CNTN5: variants seen among roughly 807,000 people sequenced by gnomAD.
CNTN5 encodes contactin 5, also known as contactin-5.
A neutral mutation model predicts 129.1 loss-of-function variants in CNTN5; 77 were observed. The observed-to-expected ratio is 0.60, with a 90% CI of 0.50 to 0.72. The LOEUF is 0.72. Among genes scored for constraint, CNTN5 ranks in the 30% least tolerant of loss-of-function variants. The probability of loss-of-function intolerance (pLI) is 0.00; values close to 1 mark genes in which losing one functional copy is unlikely to be tolerated. For synonymous variants in CNTN5, 509 were observed against 465.6 expected (o/e 1.09, Z -1.20); for missense variants, 1,478 against 1,328.8 (o/e 1.11, Z -1.75).
At chr11:99,843,716 G>A (rs1028266122) in intron 4 of CNTN5, among the ~76,000 whole-genome samples, 5 of 151,972 alleles carry the variant, frequency 3.3e-5, no homozygotes, top group African/African-American at 4.8e-5. Context: ...TAGAGGCCAC[G>A]GATGCTGCTA....
chr11:99,500,653 T>C (rs926959750), intron 2 of CNTN5, among the ~76,000 whole-genome samples: 1 of 152,148 alleles, frequency 6.6e-6, no homozygotes, highest in African/African-American at 2.4e-5. Flanking sequence ...CATGGCTACA[T>C]AGTATTCCAT....
Position 100,221,804 on chromosome 11 carries a change from G to GA in CNTN5, c.1885-2878dup, listed in dbSNP as rs142481281. Reference sequence around the variant, plus strand: ...TTTGTTCATAAGGTCAACGAAAGCAGAAAAAAAAAAGACAGAAAATAAAGC... The same window carrying GA: ...TTTGTTCATAAGGTCAACGAAAGCAGAAAAAAAAAAAGACAGAAAATAAAGC... On this transcript the variant is annotated intron_variant, in intron 15 of 24. Transcript: ENST00000524871. Among the ~76,000 whole-genome samples, 1,075 of 143,750 alleles carry GA rather than the reference G, an allele frequency of 7.5e-3. 13 individuals are homozygous for GA. The highest frequency in any genetic ancestry group is 0.014 in the South Asian group (65 of 4,558). 94.3% of individuals were successfully genotyped at this position (143,750 alleles called of 152,430 possible). A position where few individuals can be genotyped will look rare whatever the true frequency, so the allele number is the denominator to read the frequency against.
intron 8 of CNTN5, among the ~76,000 whole-genome samples, chr11:100,001,082 A>G (rs2512552): frequency 0.99 from 150,338 of 152,284 alleles, 74,235 homozygotes; most frequent in East Asian, 1. Context: ...CATTGTCTTC[A>G]CTATTAACAC....
chr11:99,628,563 T>C lies in CNTN5; in HGVS notation c.55+72294T>C, dbSNP rs1418610623. Among the ~76,000 whole-genome samples, 4 of 151,384 alleles carry C rather than the reference T, an allele frequency of 2.6e-5. No homozygotes were observed. The East Asian group carries it at 7.7e-4, about 29-fold the overall frequency. ...AACGTGTATAAAAATCTGAATTATG[T>C]CTATCTACACACACTTCCATTGGCC... On this transcript the variant is annotated intron_variant, in intron 3 of 24. Coordinates refer to ENST00000524871, the MANE Select transcript of CNTN5 (RefSeq NM_014361.4).
chr11:99,509,943 T>G (rs149804562), intron 2 of CNTN5, among the ~76,000 whole-genome samples: 2 of 151,886 alleles, frequency 1.3e-5, no homozygotes, highest in Admixed American at 6.6e-5. Context: ...TGACTCCATC[T>G]ATTAATATTT....
At chr11:99,676,209 A>G (rs763463604) in intron 3 of CNTN5, among the ~76,000 whole-genome samples, 1 of 152,086 alleles carries the variant, frequency 6.6e-6, no homozygotes, top group Non-Finnish European at 1.5e-5. Flanking sequence ...ACTCTGTTTT[A>G]CTCAGCCCTG....
intron 16 of CNTN5, among the ~76,000 whole-genome samples, chr11:100,241,978 A>G (rs759646051): frequency 1.9e-4 from 29 of 152,148 alleles, no homozygotes; most frequent in Non-Finnish European, 3.5e-4. Flanking sequence ...AGCTTTCATC[A>G]AATGTTTGCC....
chr11:100,131,837 C>A (rs1314690198), intron 13 of CNTN5, among the ~76,000 whole-genome samples: 1 of 151,866 alleles, frequency 6.6e-6, no homozygotes, highest in East Asian at 1.9e-4. Flanking sequence ...GAGACTTGAA[C>A]AAAAATAATT....
At chr11:99,848,603 T>C (rs1021385078) in intron 6 of CNTN5, among the ~76,000 whole-genome samples, 9 of 152,206 alleles carry the variant, frequency 5.9e-5, no homozygotes, top group Non-Finnish European at 1.2e-4. Flanking sequence ...TCAAAATGAT[T>C]GCAAAACTTT....
chr11:99,429,533 G>T (rs140351731), intron 2 of CNTN5, among the ~76,000 whole-genome samples: 4 of 152,234 alleles, frequency 2.6e-5, no homozygotes, highest in African/African-American at 9.6e-5. Context: ...GAGAGAGAGA[G>T]TCTGAGTGTG....
At chr11:100,277,046 C>A (rs1229237555) in intron 18 of CNTN5, among the ~76,000 whole-genome samples, 48 of 151,972 alleles carry the variant, frequency 3.2e-4, no homozygotes, top group Admixed American at 3.1e-3. Context: ...TAATTTTTAG[C>A]TCTTACCAAT....
intron 15 of CNTN5, among the ~76,000 whole-genome samples, chr11:100,206,547 A>G (rs1447949221): frequency 3.3e-5 from 5 of 152,140 alleles, no homozygotes; most frequent in Non-Finnish European, 7.4e-5. Flanking sequence ...CGTGTTTTAC[A>G]TAAATTTAGA....
At chr11:99,534,867 G>C (rs906608007) in intron 2 of CNTN5, among the ~76,000 whole-genome samples, 1 of 152,090 alleles carries the variant, frequency 6.6e-6, no homozygotes, top group Non-Finnish European at 1.5e-5. Context: ...ACAATATAAG[G>C]ATGATTAGAA....
At chr11:100,281,278 G>A (rs2138818796) in intron 18 of CNTN5, among the ~76,000 whole-genome samples, 1 of 152,192 alleles carries the variant, frequency 6.6e-6, no homozygotes, top group South Asian at 2.1e-4. Context: ...GACAGGTCTG[G>A]TGTTGATGAA....
chr11:99,675,291 T>C (rs1300408549), intron 3 of CNTN5, among the ~76,000 whole-genome samples: 8 of 152,134 alleles, frequency 5.3e-5, no homozygotes, highest in African/African-American at 1.7e-4. Context: ...TGGATTTTTG[T>C]AGATTTCTGA....
chr11:99,957,078 GT>G lies in CNTN5; in HGVS notation c.877+79del, dbSNP rs375312209. The G allele has an allele frequency of 2.6e-3, 2,973 of 1,139,108 alleles. 2 individuals are homozygous for G. Among genetic ancestry groups the G allele is most frequent in the Admixed American group, 3.1e-3 (104 of 33,224 alleles). The allele number at this position is 1,139,108 out of a possible 1,614,324, so 70.6% of individuals were successfully genotyped here. A position where few individuals can be genotyped will look rare whatever the true frequency, so the allele number is the denominator to read the frequency against. ...GGAAAATAAAGATGTATTAGTGTGT[GT>G]TTTTTTTTTAAGACCTGGAACTTAC... On this transcript the variant is annotated intron_variant, in intron 8 of 24. Coordinates refer to ENST00000524871, the MANE Select transcript of CNTN5 (RefSeq NM_014361.4).
intron 1 of CNTN5, among the ~76,000 whole-genome samples, chr11:99,288,481 T>G (rs994578460): frequency 3.3e-5 from 5 of 151,962 alleles, no homozygotes; most frequent in African/African-American, 1.2e-4. Context: ...GTATTTGATA[T>G]CATCTTGAGC....
At chr11:100,027,979 G>T (rs993916922) in intron 9 of CNTN5, among the ~76,000 whole-genome samples, 2 of 152,016 alleles carry the variant, frequency 1.3e-5, no homozygotes, top group Non-Finnish European at 2.9e-5. Flanking sequence ...ACCCAAACCT[G>T]CTCTAAATGT....
chr11:100,218,818 T>C (rs998875228), intron 15 of CNTN5, among the ~76,000 whole-genome samples: 5 of 152,192 alleles, frequency 3.3e-5, no homozygotes, highest in Non-Finnish European at 5.9e-5. Flanking sequence ...TCTAGCCTCA[T>C]ATGCTAGATT....
Sources: allele counts gnomAD v4.1 joint callset (sites outside exome capture counted in the v4.1 genomes callset), GRCh38; gene constraint gnomAD v4.1.1; transcripts MANE v1.5; gene names NCBI Gene and HGNC (gene_info 2026-07-23, HGNC 2026-07-21).